FAM185A: variants seen among roughly 807,000 people sequenced by gnomAD.
FAM185A encodes the protein protein FAM185A.
In FAM185A, 21 loss-of-function variants were observed where a neutral mutation model predicts 45.7. The observed-to-expected ratio is 0.46, with a 90% confidence interval of 0.33 to 0.66. The LOEUF is 0.66. Among genes scored for constraint, FAM185A ranks in the 30% least tolerant of loss-of-function variants. The pLI, the probability that FAM185A is intolerant of heterozygous loss-of-function variation, is 0.03. For synonymous variants in FAM185A, 117 were observed against 194.0 expected (o/e 0.60, Z 3.30); for missense variants, 305 against 485.4 (o/e 0.63, Z 3.49).
At chr7:102,850,087 CAT>C in the FAM185A span, among the ~76,000 whole-genome samples, 2 of 151,770 alleles carry the variant, frequency 1.3e-5, no homozygotes, top group Non-Finnish European at 2.9e-5. Context: ...AAAATAAATA[CAT>C]GTCAGTTTGT....
the FAM185A span, among the ~76,000 whole-genome samples, chr7:102,821,590 A>G: frequency 6.6e-6 from 1 of 152,204 alleles, no homozygotes; most frequent in Non-Finnish European, 1.5e-5. Context: ...CTTCTATGTC[A>G]GGGAATGGTC....
At chr7:102,765,264 G>C (rs1794319375) in intron 4 of FAM185A, among the ~76,000 whole-genome samples, 1 of 152,156 alleles carries the variant, frequency 6.6e-6, no homozygotes, top group Non-Finnish European at 1.5e-5. Context: ...CTTCAGCTAT[G>C]TTCTACATTA....
intron 4 of FAM185A, among the ~76,000 whole-genome samples, chr7:102,762,975 A>T (rs1475473565): frequency 1.4e-5 from 2 of 142,684 alleles, no homozygotes; most frequent in East Asian, 4.0e-4. Flanking sequence ...ACTGTGCTTA[A>T]TGTATTTAGT....
the FAM185A span, among the ~76,000 whole-genome samples, chr7:102,825,348 A>G: frequency 6.6e-6 from 1 of 152,170 alleles, no homozygotes; most frequent in African/African-American, 2.4e-5. Flanking sequence ...TATAAGAAGA[A>G]GAAAGGTCTG....
chr7:102,774,233 C>T (rs1367369816), intron 5 of FAM185A, among the ~76,000 whole-genome samples: 2 of 152,108 alleles, frequency 1.3e-5, no homozygotes, highest in African/African-American at 4.8e-5. Flanking sequence ...TAAGACTTTG[C>T]TTCTAATTGT....
chr7:102,832,185 T>A, the FAM185A span, among the ~76,000 whole-genome samples: 1 of 152,220 alleles, frequency 6.6e-6, no homozygotes, highest in African/African-American at 2.4e-5. Flanking sequence ...TAATGAGTAC[T>A]TACTTCATTT....
At chr7:102,808,168 C>T in intron 7 of FAM185A, 122 bp from the exon 8 acceptor site, 1 of 700,004 alleles carries the variant, frequency 1.4e-6, no homozygotes, top group Non-Finnish European at 2.4e-6. Context: ...CTGCCCAGTT[C>T]AGACTATCTT....
the FAM185A span, chr7:102,814,264 C>T: frequency 1.3e-5 from 2 of 152,050 alleles, no homozygotes; most frequent in African/African-American, 4.8e-5. Flanking sequence ...CACTTCTGTA[C>T]GATTAGAAAT....
the FAM185A span, among the ~76,000 whole-genome samples, chr7:102,834,126 G>GA: frequency 9.1e-6 from 1 of 109,494 alleles, no homozygotes; most frequent in Admixed American, 8.1e-5. Flanking sequence ...AAGAAAGAAA[G>GA]AAAGAAAGAA....
chr7:102,814,991 C>T, the FAM185A span, among the ~76,000 whole-genome samples: 9 of 152,100 alleles, frequency 5.9e-5, no homozygotes, highest in African/African-American at 1.7e-4. Context: ...GTGAGATTAT[C>T]ATATCTTTCA....
the FAM185A span, among the ~76,000 whole-genome samples, chr7:102,837,045 T>C: frequency 6.6e-6 from 1 of 152,220 alleles, no homozygotes; most frequent in East Asian, 1.9e-4. Flanking sequence ...AAGGCTAAAA[T>C]GCAACTTCCA....
chr7:102,794,546 A>C (rs1796332047), intron 7 of FAM185A, among the ~76,000 whole-genome samples: 1 of 152,186 alleles, frequency 6.6e-6, no homozygotes, highest in Non-Finnish European at 1.5e-5. Context: ...TCTCTTCTAC[A>C]TTACTGGTGG....
At chr7:102,827,200 G>A in the FAM185A span, 2 of 450,286 alleles carry the variant, frequency 4.4e-6, no homozygotes, top group Non-Finnish European at 9.0e-6. Context: ...AAGCAGCTCA[G>A]CTAGCTTGCT....
At chr7:102,775,161 C>T in intron 5 of FAM185A, among the ~76,000 whole-genome samples, 1 of 152,084 alleles carries the variant, frequency 6.6e-6, no homozygotes, top group Non-Finnish European at 1.5e-5. Flanking sequence ...GTCACTTCAC[C>T]TCATTACCAT....
At chr7:102,776,953 A>G (rs1023910807) in intron 5 of FAM185A, among the ~76,000 whole-genome samples, 1 of 152,130 alleles carries the variant, frequency 6.6e-6, no homozygotes, top group Non-Finnish European at 1.5e-5. Flanking sequence ...TTAGTGGTCA[A>G]AGGAACCATT....
the FAM185A span, among the ~76,000 whole-genome samples, chr7:102,824,411 G>A: frequency 6.6e-6 from 1 of 152,112 alleles, no homozygotes; most frequent in South Asian, 2.1e-4. Flanking sequence ...TTAATGTTCT[G>A]GAGTATTTCT....
At chr7:102,779,853 T>A (rs1327487644) in intron 6 of FAM185A, 11 of 49,646 alleles carry the variant, frequency 2.2e-4, no homozygotes, top group East Asian at 7.2e-4. Flanking sequence ...CACCCAGCTT[T>A]TTTTTTTTTT....
chr7:102,769,732 G>T (rs1422560880), intron 4 of FAM185A, among the ~76,000 whole-genome samples: 1 of 151,806 alleles, frequency 6.6e-6, no homozygotes, highest in Non-Finnish European at 1.5e-5. Flanking sequence ...TCTAGGAGCC[G>T]CATCTGGTGA....
chr7:102,783,690 A>T (rs2129440407), intron 6 of FAM185A, among the ~76,000 whole-genome samples: 1 of 149,134 alleles, frequency 6.7e-6, no homozygotes, highest in South Asian at 2.1e-4. Context: ...AGCAGTGTGT[A>T]GAGGGAAATT....
Sources: gnomAD v4.1 joint callset for allele counts (sites outside exome capture counted in the v4.1 genomes callset) on GRCh38, gnomAD v4.1.1 for gene constraint, MANE v1.5 for transcripts, NCBI Gene and HGNC (gene_info 2026-07-23, HGNC 2026-07-21) for gene names.